The following PPP1CB variants were observed in gnomAD, a reference collection of about 807,000 sequenced individuals.
The protein encoded by PPP1CB is serine/threonine-protein phosphatase PP1-beta catalytic subunit.
In PPP1CB, 2 loss-of-function variants were observed where a neutral mutation model predicts 43.7. The observed-to-expected ratio is 0.05, with a 90% CI of 0.02 to 0.14. The LOEUF (loss-of-function observed/expected upper bound fraction) is 0.14. Among genes scored for constraint, PPP1CB ranks in the 10% least tolerant of loss-of-function variants. The pLI is 1.00. For missense variants in PPP1CB, 84 were observed against 398.0 expected, an observed-to-expected ratio of 0.21 and a Z score of 6.71; for synonymous variants, 136 against 135.6, an observed-to-expected ratio of 1.00 and a Z score of -0.02.
At chr2:28,794,068 T>G (rs1667445354) in intron 7 of PPP1CB, 71 bp downstream of exon 7, 1 of 1,322,864 alleles carries the variant, frequency 7.6e-7, no homozygotes, top group Non-Finnish European at 1.0e-6. Context: ...CGTTTTAGAT[T>G]TGTGAAGTTT....
chr2:28,767,572 A>G (rs1666806535), intron 1 of PPP1CB, among the ~76,000 whole-genome samples: 1 of 152,200 alleles, frequency 6.6e-6, no homozygotes, highest in African/African-American at 2.4e-5. Context: ...TTGTAACTGC[A>G]TCTGTATAAT....
intron 1 of PPP1CB, among the ~76,000 whole-genome samples, chr2:28,776,264 T>G (rs190569849): frequency 6.6e-6 from 1 of 151,182 alleles, no homozygotes; most frequent in Non-Finnish European, 1.5e-5. Context: ...TCTGTTTGTT[T>G]GTTTTTTTTT....
intron 1 of PPP1CB, among the ~76,000 whole-genome samples, chr2:28,766,997 C>G (rs1054343983): frequency 1.3e-5 from 2 of 151,684 alleles, no homozygotes; most frequent in Admixed American, 6.6e-5. Context: ...AGGAGAATCG[C>G]GTGAACCAGG....
At chr2:28,759,314 G>A (rs1365090967) in intron 1 of PPP1CB, among the ~76,000 whole-genome samples, 8 of 151,984 alleles carry the variant, frequency 5.3e-5, no homozygotes, top group South Asian at 2.1e-4. Context: ...TCAGGAGTTC[G>A]AGACCAGCCT....
intron 7 of PPP1CB, 76 bp from the exon 8 acceptor site, chr2:28,799,123 A>C: frequency 9.5e-7 from 1 of 1,049,638 alleles, no homozygotes; most frequent in Non-Finnish European, 1.4e-6. Flanking sequence ...CCATTTATTG[A>C]AAATCACAAT....
chr2:28,781,927 A>G, intron 4 of PPP1CB, 85 bp downstream of exon 4: 1 of 913,064 alleles, frequency 1.1e-6, no homozygotes, highest in Non-Finnish European at 1.8e-6. Context: ...CTGTGGGAAA[A>G]CAAAGCAGTG....
In PPP1CB at chr2:28,800,321, G is replaced by A. The variant is rs117687614; in HGVS notation, c.*1018G>A. 6.8e-5 allele frequency: 9 copies of A among 132,888 alleles called. No homozygotes were observed. In the East Asian group the frequency reaches 1.9e-3, roughly 28 times the overall value. 8.2% of individuals were successfully genotyped at this position (132,888 alleles called of 1,614,324 possible). A position where few individuals can be genotyped will look rare whatever the true frequency, so the allele number is the denominator to read the frequency against. On this transcript the variant is annotated 3_prime_UTR_variant, in exon 8 of 8. Transcript: ENST00000395366. ...TGACAAGCCTTGGAAAGCTGACACTGTCTCTTTTTCCTCCCTCTATACGAA... is the reference window on the plus strand; with the variant it reads ...TGACAAGCCTTGGAAAGCTGACACTATCTCTTTTTCCTCCCTCTATACGAA...
intron 7 of PPP1CB, among the ~76,000 whole-genome samples, chr2:28,795,700 C>A (rs1667484621): frequency 1.3e-5 from 2 of 151,982 alleles, no homozygotes; most frequent in East Asian, 3.9e-4. Context: ...GATATTAGAC[C>A]TTTGTTGGAT....
At chr2:28,791,821 A>T (rs144775170) in intron 6 of PPP1CB, among the ~76,000 whole-genome samples, 8 of 152,322 alleles carry the variant, frequency 5.3e-5, no homozygotes, top group African/African-American at 1.9e-4. Flanking sequence ...AGGTTTCTGA[A>T]CTACGCTAGT....
rs17743079 is a variant in PPP1CB at position 28,779,125 on chromosome 2, A to C, written c.415+86A>C. The C allele has an allele frequency of 0.061, 63,086 of 1,030,866 alleles. 2,257 individuals carry two copies. Among genetic ancestry groups the C allele is most frequent in the Non-Finnish European group, 0.071 (50,869 of 717,800 alleles). The allele number at this position is 1,030,866 out of a possible 1,614,324, so 63.9% of individuals were successfully genotyped here. On this transcript the variant is annotated intron_variant, in intron 3 of 7. Transcript: ENST00000395366. The stretch of plus-strand genomic sequence containing the variant: ...GTTCAGAAGAGTTGCTTTGATTCAG[A>C]GTTTTTTCAAAATAAGATCTGTCAG...
chr2:28,761,289 G>A (rs971140120), intron 1 of PPP1CB, among the ~76,000 whole-genome samples: 2 of 152,022 alleles, frequency 1.3e-5, no homozygotes, highest in African/African-American at 2.4e-5. Flanking sequence ...TGTGAATTTC[G>A]GACTCCCAAC....
At chr2:28,759,073 C>G (rs567646739) in intron 1 of PPP1CB, among the ~76,000 whole-genome samples, 2 of 152,152 alleles carry the variant, frequency 1.3e-5, no homozygotes, top group Non-Finnish European at 2.9e-5. Flanking sequence ...CAGTGGACTT[C>G]ATGTAAGGTA....
chr2:28,757,539 T>G (rs1478367347), intron 1 of PPP1CB, among the ~76,000 whole-genome samples: 1 of 152,210 alleles, frequency 6.6e-6, no homozygotes, highest in Non-Finnish European at 1.5e-5. Flanking sequence ...GAAGTGTCAG[T>G]TGTTGCCGAC....
At chr2:28,779,380 T>C (rs7592386) in intron 3 of PPP1CB, among the ~76,000 whole-genome samples, 1 of 152,232 alleles carries the variant, frequency 6.6e-6, no homozygotes, top group Non-Finnish European at 1.5e-5. Flanking sequence ...ATTCTTGTGG[T>C]ATGACAGCTT....
intron 1 of PPP1CB, among the ~76,000 whole-genome samples, chr2:28,776,166 A>G (rs539240079): frequency 1.3e-5 from 2 of 151,596 alleles, no homozygotes; most frequent in African/African-American, 2.4e-5. Flanking sequence ...TTGACATCCT[A>G]CTAGATGCGA....
intron 7 of PPP1CB, among the ~76,000 whole-genome samples, chr2:28,795,256 T>A (rs1667476415): frequency 6.6e-6 from 1 of 152,212 alleles, no homozygotes; most frequent in African/African-American, 2.4e-5. Context: ...TTGATGGACA[T>A]CTAGGTTGAT....
At chr2:28,788,445 C>T (rs1040263733) in intron 5 of PPP1CB, among the ~76,000 whole-genome samples, 24 of 150,766 alleles carry the variant, frequency 1.6e-4, no homozygotes, top group African/African-American at 4.4e-4. Context: ...GAAAGTACTA[C>T]CTTAAGAGGC....
Position 28,781,729 on chromosome 2 carries a change from T to C in PPP1CB, c.416-9T>C, listed in dbSNP as rs1558306374. ...ATTTTTTAATTTATTCTATCTGTTC[T>C]TTTTACAGGCAAACGAAGATTTAAT... is the stretch of plus-strand genomic sequence containing the variant. On this transcript the variant is annotated splice_polypyrimidine_tract_variant and intron_variant, in intron 3 of 7. Coordinates refer to ENST00000395366, the MANE Select transcript of PPP1CB (RefSeq NM_002709.3). 2.5e-6 allele frequency: 4 copies of C among 1,582,154 alleles called. No individual in the cohort carries two copies. In the East Asian group the frequency reaches 9.0e-5, roughly 35 times the overall value.
chr2:28,772,829 A>C (rs930065505), intron 1 of PPP1CB, among the ~76,000 whole-genome samples: 1 of 152,082 alleles, frequency 6.6e-6, no homozygotes, highest in Non-Finnish European at 1.5e-5. Flanking sequence ...TCATATTAGC[A>C]CTAAAAAAGG....
Sources: gnomAD v4.1 joint callset for allele counts (sites outside exome capture counted in the v4.1 genomes callset) on GRCh38, gnomAD v4.1.1 for gene constraint, MANE v1.5 for transcripts, NCBI Gene and HGNC (gene_info 2026-07-23, HGNC 2026-07-21) for gene names.